SLC4A1: variants seen among roughly 807,000 people sequenced by gnomAD.
SLC4A1 encodes solute carrier family 4 member 1 (Diego blood group).
SLC4A1 carries 29 observed loss-of-function variants against 93.1 expected under a neutral mutation model. The ratio of observed to expected loss-of-function variants is 0.31; its 90% CI spans 0.23 to 0.42. The LOEUF is 0.42. Ranked by LOEUF, SLC4A1 falls within the 20% of genes least tolerant of loss-of-function variation. SLC4A1 has a pLI of 1.00. For missense variants in SLC4A1, 965 were observed against 1,190.1 expected, an observed-to-expected ratio of 0.81 and a Z score of 2.78; for synonymous variants, 469 against 497.2, an observed-to-expected ratio of 0.94 and a Z score of 0.76.
intron 1 of SLC4A1, among the ~76,000 whole-genome samples, chr17:44,267,236 G>C: frequency 6.6e-6 from 1 of 152,160 alleles, no homozygotes; most frequent in East Asian, 1.9e-4. Context: ...TCTGCAGTCG[G>C]ACTGCCTGGA....
At chr17:44,251,855 TC>T (rs561061319) in intron 17 of SLC4A1, among the ~76,000 whole-genome samples, 70 of 150,042 alleles carry the variant, frequency 4.7e-4, no homozygotes, top group Non-Finnish European at 7.8e-4. Flanking sequence ...CGCTTCAGTG[TC>T]CCTAGTTGCT....
intron 8 of SLC4A1, 38 bp from the exon 9 acceptor site, chr17:44,259,382 C>A (rs759524136): frequency 1.7e-5 from 28 of 1,611,636 alleles, no homozygotes; most frequent in Non-Finnish European, 2.4e-5. Flanking sequence ...GGCCGAGGAG[C>A]CCAGGGTGGG....
chr17:44,250,902 T>A (rs2047332408), intron 19 of SLC4A1, among the ~76,000 whole-genome samples: 1 of 152,128 alleles, frequency 6.6e-6, no homozygotes, highest in Non-Finnish European at 1.5e-5. Context: ...TCCAGCTCAC[T>A]CACAGCACAC....
intron 17 of SLC4A1, 77 bp from the exon 18 acceptor site, chr17:44,251,665 G>T: frequency 7.3e-7 from 1 of 1,372,650 alleles, no homozygotes; most frequent in Non-Finnish European, 1.0e-6. Context: ...CCTATCTGGG[G>T]CTGGGAATAA....
At chr17:44,262,464 G>A (rs1257421942) in intron 3 of SLC4A1, among the ~76,000 whole-genome samples, 172 bp downstream of exon 3, 2 of 152,218 alleles carry the variant, frequency 1.3e-5, no homozygotes, top group African/African-American at 4.8e-5. Context: ...GCCACCTCCT[G>A]TGATCATTTC....
chr17:44,266,389 A>G (rs1313386029), intron 1 of SLC4A1, among the ~76,000 whole-genome samples: 1 of 152,134 alleles, frequency 6.6e-6, no homozygotes, highest in Non-Finnish European at 1.5e-5. Flanking sequence ...AGTCCCACCC[A>G]TGGGGCTGGG....
Position 44,258,303 on chromosome 17 carries a change from T to C in SLC4A1, c.1087+110A>G, listed in dbSNP as rs1477791435. 1 of 1,418,516 alleles carries C rather than the reference T, an allele frequency of 7.0e-7. No homozygotes were observed. The highest frequency in any genetic ancestry group is 1.0e-6 in the Non-Finnish European group (1 of 1,004,958). 87.9% of individuals were successfully genotyped at this position (1,418,516 alleles called of 1,614,324 possible). ...GGGCGGCGAAGAAGTCTGGAAGATGTGGGCAAAGGGAGCGATGAGAGGGGA... is the reference window on the plus strand; with the variant it reads ...GGGCGGCGAAGAAGTCTGGAAGATGCGGGCAAAGGGAGCGATGAGAGGGGA... On this transcript the variant is annotated intron_variant, in intron 10 of 19. Transcript: ENST00000262418. This position sits in a 1 kb window ranked among gnomAD's most constrained non-coding sequence, Gnocchi z 6.1.
chr17:44,257,332 A>G lies in SLC4A1; in HGVS notation c.1626+18T>C, dbSNP rs1331237371. On this transcript the variant is annotated intron_variant, in intron 13 of 19. Transcript: ENST00000262418. ...TACACAACCTCCCGTGTGCATTAAC[A>G]TCCCCATAGGCCCCCACCTTGATCA... 1 of 1,612,576 alleles carries G rather than the reference A, an allele frequency of 6.2e-7. No individual in the cohort carries two copies. Among genetic ancestry groups the G allele is most frequent in the African/African-American group, 1.3e-5 (1 of 74,980 alleles).
rs1325960757 is a variant in SLC4A1 at position 44,251,264 on chromosome 17, C to T, written c.2550G>A (p.Val850=). 1 of 1,614,224 alleles carries T rather than the reference C, an allele frequency of 6.2e-7. No homozygotes were observed. The highest frequency in any genetic ancestry group is 1.7e-5 in the Admixed American group (1 of 60,020). The change falls in exon 19 of 20, where the codon GTG becomes GTA. Residue 850 remains valine, a synonymous_variant. Transcript: ENST00000262418. The part of the protein sequence containing the change: ...QIICLAVLWV[V]KSTPASLALP... The stretch of plus-strand genomic sequence containing the variant: ...GGGCCAGGGAGGCCGGCGTGGACTT[C>T]ACCACCCACAGCACTGCCAGGCAGA...
rs770649533 is a variant in SLC4A1, at chr17:44,259,908, C to T, written c.510G>A (p.Leu170=). The T allele has an allele frequency of 2.0e-5, 33 of 1,613,920 alleles. No homozygotes were observed. Among genetic ancestry groups the T allele is most frequent in the Non-Finnish European group, 2.8e-5 (33 of 1,180,008 alleles). Residue 170 remains leucine (L), a synonymous_variant, in exon 7 of 20, where the codon CTG becomes CTA. Transcript: ENST00000262418. ...TCAGGACTGCAGGCTTCACACCCCCCAGGGCCTCCAGCTCTCCAGCGTGGC... is the reference window on the plus strand; with the variant it reads ...TCAGGACTGCAGGCTTCACACCCCCTAGGGCCTCCAGCTCTCCAGCGTGGC... ...KHSHAGELEA[L]GGVKPAVLTR...
chr17:44,259,366 A>G, intron 8 of SLC4A1, 22 bp from the exon 9 acceptor site: 10 of 1,612,810 alleles, frequency 6.2e-6, no homozygotes, highest in Non-Finnish European at 7.6e-6. Flanking sequence ...TGAGAAGATC[A>G]GGCCAGGCCG....
At chr17:44,265,514 C>A (rs867463960) in intron 1 of SLC4A1, among the ~76,000 whole-genome samples, 1 of 152,040 alleles carries the variant, frequency 6.6e-6, no homozygotes, top group Admixed American at 6.5e-5. Context: ...GGACTACAGG[C>A]GCCCGCCACC....
At chr17:44,262,613 C>A (rs777861687) in intron 3 of SLC4A1, 23 bp downstream of exon 3, 5 of 1,579,630 alleles carry the variant, frequency 3.2e-6, no homozygotes, top group African/African-American at 2.7e-5. Flanking sequence ...CTCATCCCAG[C>A]TGAGGGAGGG....
rs111655803 is a variant in SLC4A1 at position 44,249,354 on chromosome 17, AT to A, written c.*1103del. 9,266 of 313,780 alleles carry A rather than the reference AT, an allele frequency of 0.03. 881 individuals are homozygous for A. The highest frequency in any genetic ancestry group is 0.2 in the African/African-American group (8,569 of 43,560). 19.4% of individuals were successfully genotyped at this position (313,780 alleles called of 1,614,324 possible). The stretch of plus-strand genomic sequence containing the variant: ...AGATTCAGTTTAGATGGAGTTGAGG[AT>A]AATGGCTCTCAAATGAGGGGCCTGA... On this transcript the variant is annotated 3_prime_UTR_variant, in exon 20 of 20. Transcript: ENST00000262418.
At position 44,258,232 on chromosome 17, in the gene SLC4A1, G is replaced by A; in HGVS notation, c.1088-52C>T. On this transcript the variant is annotated intron_variant, in intron 10 of 19. Transcript: ENST00000262418. This position sits in a 1 kb window ranked among gnomAD's most constrained non-coding sequence, Gnocchi z 6.1. Reference sequence around the variant, plus strand: ...AGAGGGAGTAGCTGGAGGAGGTGAGGGGAAAGGGGACTGGAGGGTGTAGGG... The same window carrying A: ...AGAGGGAGTAGCTGGAGGAGGTGAGAGGAAAGGGGACTGGAGGGTGTAGGG... 1.3e-6 allele frequency: 2 copies of A among 1,567,572 alleles called. No individual in the cohort carries two copies. Among genetic ancestry groups the A allele is most frequent in the Non-Finnish European group, 1.8e-6 (2 of 1,138,920 alleles).
intron 1 of SLC4A1, among the ~76,000 whole-genome samples, chr17:44,263,588 C>T (rs544772441): frequency 4.3e-4 from 65 of 152,258 alleles, no homozygotes; most frequent in African/African-American, 1.5e-3. Context: ...CCCCCCAATA[C>T]CTCAGACCTT....
intron 13 of SLC4A1, 122 bp from the exon 14 acceptor site, chr17:44,255,968 C>T (rs182231189): frequency 1.5e-5 from 14 of 916,956 alleles, no homozygotes; most frequent in African/African-American, 4.9e-5. Context: ...ATTCATCATC[C>T]ATCCATTTAT....
At chr17:44,261,354 A>G (rs569902061) in intron 4 of SLC4A1, among the ~76,000 whole-genome samples, 1 of 152,290 alleles carries the variant, frequency 6.6e-6, no homozygotes, top group East Asian at 1.9e-4. Flanking sequence ...AGCCCTTGTC[A>G]ATCAGGTTAT....
chr17:44,254,540 A>T lies in SLC4A1; in HGVS notation c.2013T>A (p.Ala671=). The part of the protein sequence containing the change: ...IWMMFASALP[A]LLVFILIFLE... The stretch of plus-strand genomic sequence containing the variant: ...GGAATATGAGGATGAAGACCAGCAG[A>T]GCAGGCAGGGCGGAGGCAAACATCA... Residue 671 remains alanine, a synonymous_variant, in exon 16 of 20, where the codon GCT becomes GCA. Transcript: ENST00000262418. The T allele has an allele frequency of 1.9e-6, 3 of 1,613,920 alleles. No homozygotes were observed. Among genetic ancestry groups the T allele is most frequent in the Non-Finnish European group, 2.5e-6 (3 of 1,179,938 alleles).
Sources: allele counts gnomAD v4.1 joint callset (sites outside exome capture counted in the v4.1 genomes callset), GRCh38; gene constraint gnomAD v4.1.1; non-coding constraint Gnocchi (gnomAD v3.1); transcripts MANE v1.5; gene names NCBI Gene and HGNC (gene_info 2026-07-23, HGNC 2026-07-21).